Variants in ACAN observed in about 807,000 individuals in gnomAD.
ACAN encodes aggrecan.
In ACAN, 47 loss-of-function variants were observed where a neutral mutation model predicts 169.1. That is an observed-to-expected ratio of 0.28 (90% CI 0.22 to 0.35). The LOEUF (loss-of-function observed/expected upper bound fraction) is 0.35, where lower values mean the gene tolerates loss of function less well. Ranked by LOEUF, ACAN falls within the 10% of genes least tolerant of loss-of-function variation. ACAN has a pLI of 1.00. For synonymous variants in ACAN, 1,115 were observed against 1,112.2 expected, an observed-to-expected ratio of 1.00 and a Z score of -0.05; for missense variants, 2,716 against 2,759.9, an observed-to-expected ratio of 0.98 and a Z score of 0.36.
At chr15:88,804,790 G>A (rs1475935879) in intron 1 of ACAN, among the ~76,000 whole-genome samples, 5 of 152,164 alleles carry the variant, frequency 3.3e-5, no homozygotes, top group Non-Finnish European at 5.9e-5. Context: ...TCCTACTAGG[G>A]TTTCACCATG....
intron 1 of ACAN, among the ~76,000 whole-genome samples, chr15:88,804,312 G>A (rs1458421134): frequency 6.6e-6 from 1 of 152,188 alleles, no homozygotes; most frequent in East Asian, 1.9e-4. Context: ...TGGACACTAT[G>A]TCAGGGACAC....
chr15:88,845,615 A>G lies in ACAN; in HGVS notation c.1162A>G (p.Ile388Val), dbSNP rs767026007. The change falls in exon 7 of 19, where the codon ATC (isoleucine) becomes GTC (valine). Residue 388 changes from isoleucine (I) to valine (V), a missense_variant. Ile to Val is a conservative substitution (Grantham distance 29). Coordinates refer to ENST00000560601, the MANE Select transcript of ACAN (RefSeq NM_001369268.1). ...PDMELPLPRN[I>V]TEGEARGSVI... ...CATGGAGCTGCCACTGCCTCGAAAC[A>G]TCACTGAGGGTGAAGCCCGAGGCAG... 7 of 1,614,046 alleles carry G rather than the reference A, an allele frequency of 4.3e-6. No individual in the cohort carries two copies. Among genetic ancestry groups the G allele is most frequent in the Non-Finnish European group, 5.9e-6 (7 of 1,179,902 alleles).
At chr15:88,827,898 G>A (rs912572870) in intron 1 of ACAN, among the ~76,000 whole-genome samples, 4 of 152,262 alleles carry the variant, frequency 2.6e-5, no homozygotes, top group Non-Finnish European at 4.4e-5. Context: ...TCAGAGCTGC[G>A]ATTCAGCCAC....
rs1328742688 is a variant in ACAN at position 88,869,500 on chromosome 15, A to G, written c.7060+1171A>G. The stretch of plus-strand genomic sequence containing the variant: ...CCTCCATCCTCACCCCAAGACCCCA[A>G]GAAATTGGTATATGGGGTCTTGGCT... On this transcript the variant is annotated intron_variant, in intron 14 of 18. Coordinates refer to ENST00000560601, the MANE Select transcript of ACAN (RefSeq NM_001369268.1). This position sits in a 1 kb window ranked among gnomAD's most constrained non-coding sequence, Gnocchi z 4.2. Among the ~76,000 whole-genome samples the G allele has an allele frequency of 1.3e-5, 2 of 152,310 alleles. No homozygotes were observed. The highest frequency in any genetic ancestry group is 2.9e-5 in the Non-Finnish European group (2 of 68,022).
intron 1 of ACAN, among the ~76,000 whole-genome samples, chr15:88,831,667 T>A (rs76830864): frequency 2.4e-4 from 37 of 152,320 alleles, no homozygotes; most frequent in East Asian, 2.1e-3. Flanking sequence ...GGCACTGAGT[T>A]CTGGTTTGGG....
At chr15:88,833,197 C>G (rs1271959841) in intron 1 of ACAN, among the ~76,000 whole-genome samples, 1 of 152,196 alleles carries the variant, frequency 6.6e-6, no homozygotes, top group Non-Finnish European at 1.5e-5. Flanking sequence ...TGTCTGCAAC[C>G]TGGACACATG....
Position 88,807,733 on chromosome 15 carries a change from C to T in ACAN, c.-8+3924C>T, listed in dbSNP as rs1369961229. Reference sequence around the variant, plus strand: ...TTTACTTTTAAAAACTCAGAGCCTCCTTATAAGTGGTGGAGTGTGTGTGTG... The same window carrying T: ...TTTACTTTTAAAAACTCAGAGCCTCTTTATAAGTGGTGGAGTGTGTGTGTG... On this transcript the variant is annotated intron_variant, in intron 1 of 18. Transcript: ENST00000560601. The surrounding 1 kb of genome is among the most constrained non-coding windows in gnomAD (Gnocchi z 4.0). 1.4e-5 allele frequency among the ~76,000 whole-genome samples: 2 copies of T among 138,944 alleles called. No homozygotes were observed. The highest frequency in any genetic ancestry group is 5.3e-5 in the African/African-American group (2 of 37,748). The allele number at this position is 138,944 out of a possible 152,430, so 91.2% of individuals were successfully genotyped here.
At chr15:88,841,682 G>A in intron 4 of ACAN, 58 bp from the exon 5 acceptor site, 1 of 1,604,848 alleles carries the variant, frequency 6.2e-7, no homozygotes, top group South Asian at 1.1e-5. Flanking sequence ...CAAAGGCAGA[G>A]GCCATGGGCT....
intron 1 of ACAN, among the ~76,000 whole-genome samples, chr15:88,820,177 G>C (rs1896039365): frequency 6.6e-6 from 1 of 152,156 alleles, no homozygotes; most frequent in Non-Finnish European, 1.5e-5. Flanking sequence ...AGTTGTGATA[G>C]GTGCTCACAG....
At position 88,861,841 on chromosome 15, in the gene ACAN, T is replaced by C. The variant is rs1237568830; in HGVS notation, c.6946+1402T>C. On this transcript the variant is annotated intron_variant, in intron 13 of 18. Transcript: ENST00000560601. This position sits in a 1 kb window ranked among gnomAD's most constrained non-coding sequence, Gnocchi z 6.3. ...ATGTTCTTGGCAGCCCTGAAATTAA[T>C]AGGAGTAAGTGTCAGTGGGCCGTAA... Among the ~76,000 whole-genome samples, 3 of 152,164 alleles carry C rather than the reference T, an allele frequency of 2.0e-5. No homozygotes were observed. Among genetic ancestry groups the C allele is most frequent in the Admixed American group, 6.5e-5 (1 of 15,276 alleles).
At position 88,868,213 on chromosome 15, in the gene ACAN, C is replaced by A. The variant is rs1303299212; in HGVS notation, c.6947-3C>A. On this transcript the variant is annotated splice_polypyrimidine_tract_variant and splice_region_variant and intron_variant, in intron 13 of 18. Coordinates refer to ENST00000560601, the MANE Select transcript of ACAN (RefSeq NM_001369268.1). This position sits in a 1 kb window ranked among gnomAD's most constrained non-coding sequence, Gnocchi z 5.2. ...CCTAATGGTGGCCCTTGGTTTCTTGCAGACATTGATGAGTGCCTCTCAAGC... is the reference window on the plus strand; with the variant it reads ...CCTAATGGTGGCCCTTGGTTTCTTGAAGACATTGATGAGTGCCTCTCAAGC... The A allele has an allele frequency of 1.4e-6, 1 of 702,056 alleles. No individual in the cohort carries two copies. 43.5% of individuals were successfully genotyped at this position (702,056 alleles called of 1,614,324 possible).
chr15:88,865,100 T>C (rs1897259715), intron 13 of ACAN, among the ~76,000 whole-genome samples: 1 of 152,226 alleles, frequency 6.6e-6, no homozygotes, highest in Non-Finnish European at 1.5e-5. Flanking sequence ...TATCAGGGGC[T>C]CTCAGTTATT....
chr15:88,825,800 C>G (rs1896202096), intron 1 of ACAN, among the ~76,000 whole-genome samples: 1 of 152,200 alleles, frequency 6.6e-6, no homozygotes, highest in African/African-American at 2.4e-5. Context: ...CCACTTCCTA[C>G]TGTGCCCACC....
intron 5 of ACAN, 59 bp downstream of exon 5, chr15:88,841,926 C>T: frequency 6.2e-7 from 1 of 1,601,894 alleles, no homozygotes; most frequent in Admixed American, 1.7e-5. Context: ...ACCTTCCCCT[C>T]CCCATCTCCC....
At chr15:88,819,288 G>A (rs1896016602) in intron 1 of ACAN, among the ~76,000 whole-genome samples, 1 of 152,190 alleles carries the variant, frequency 6.6e-6, no homozygotes, top group Admixed American at 6.5e-5. Context: ...CTGTTAGAGG[G>A]AGGTCTTTGA....
intron 1 of ACAN, among the ~76,000 whole-genome samples, chr15:88,832,524 T>C (rs893038589): frequency 6.6e-6 from 1 of 152,122 alleles, no homozygotes; most frequent in African/African-American, 2.4e-5. Flanking sequence ...GCAGGACAAT[T>C]GCTTGAACCT....
At chr15:88,867,646 C>T (rs1198805245) in intron 13 of ACAN, among the ~76,000 whole-genome samples, 1 of 152,122 alleles carries the variant, frequency 6.6e-6, no homozygotes, top group Non-Finnish European at 1.5e-5. Flanking sequence ...GGGTCTCACG[C>T]AAACATCCCA....
rs529721213 is a variant in ACAN, at chr15:88,870,860, C to A, written c.7061-522C>A. The stretch of plus-strand genomic sequence containing the variant: ...CTCTGAGTCTTCTCCAGACCCCAAG[C>A]AGACTTATTTCTGCTCCTCTGTTCC... On this transcript the variant is annotated intron_variant, in intron 14 of 18. Transcript: ENST00000560601. This position sits in a 1 kb window ranked among gnomAD's most constrained non-coding sequence, Gnocchi z 6.3. Among the ~76,000 whole-genome samples the A allele has an allele frequency of 6.6e-6, 1 of 152,162 alleles. No individual in the cohort carries two copies. The highest frequency in any genetic ancestry group is 1.5e-5 in the Non-Finnish European group (1 of 68,048).
chr15:88,852,708 C>T (rs1896958019), intron 11 of ACAN, among the ~76,000 whole-genome samples: 1 of 152,166 alleles, frequency 6.6e-6, no homozygotes, highest in African/African-American at 2.4e-5. Context: ...CTGTGAGTCT[C>T]CAAGAGGAGG....
Sources: allele counts gnomAD v4.1 joint callset (sites outside exome capture counted in the v4.1 genomes callset), GRCh38; gene constraint gnomAD v4.1.1; non-coding constraint Gnocchi (gnomAD v3.1); transcripts MANE v1.5; gene names NCBI Gene and HGNC (gene_info 2026-07-23, HGNC 2026-07-21).